The following AP1M2 variants were observed in gnomAD, a reference collection of about 807,000 sequenced individuals.
The protein encoded by AP1M2 is adaptor related protein complex 1 subunit mu 2.
A neutral mutation model predicts 54.6 loss-of-function variants in AP1M2; 41 were observed. That is an observed-to-expected ratio of 0.75 (90% CI 0.59 to 0.97). The LOEUF is 0.97. Ranked by LOEUF, AP1M2 falls within the 50% of genes least tolerant of loss-of-function variation. AP1M2 has a pLI of 0.00. For missense variants in AP1M2, 507 were observed against 561.2 expected, an observed-to-expected ratio of 0.90 and a Z score of 0.98; for synonymous variants, 219 against 215.9, an observed-to-expected ratio of 1.01 and a Z score of -0.13.
At chr19:10,582,895 G>A (rs960710166) in intron 3 of AP1M2, among the ~76,000 whole-genome samples, 1 of 145,842 alleles carries the variant, frequency 6.9e-6, no homozygotes. Flanking sequence ...GCGAGATCTT[G>A]GCTCACCACA....
intron 6 of AP1M2, among the ~76,000 whole-genome samples, chr19:10,580,801 A>C (rs928624291): frequency 6.6e-6 from 1 of 151,894 alleles, no homozygotes; most frequent in Non-Finnish European, 1.5e-5. Flanking sequence ...CCGTCTCTAT[A>C]AAAAATTTAA....
Position 10,573,038 on chromosome 19 carries a change from G to A in AP1M2, c.*28C>T. 1 of 1,558,216 alleles carries A rather than the reference G, an allele frequency of 6.4e-7. No individual in the cohort carries two copies. The highest frequency in any genetic ancestry group is 1.2e-5 in the South Asian group (1 of 84,382). On this transcript the variant is annotated 3_prime_UTR_variant, in exon 12 of 12. Transcript: ENST00000250244. Reference sequence around the variant, plus strand: ...GCATCCGGGGCTGTAAGGAAGCCCCGTGTTCAAGCCCCCATCTCTTCTCCC... The same window carrying A: ...GCATCCGGGGCTGTAAGGAAGCCCCATGTTCAAGCCCCCATCTCTTCTCCC...
At chr19:10,574,814 C>A in intron 10 of AP1M2, 90 bp downstream of exon 10, 1 of 1,458,868 alleles carries the variant, frequency 6.9e-7, no homozygotes. Flanking sequence ...TGACACAGGC[C>A]AGGGGACTGA....
At chr19:10,579,566 C>T in intron 7 of AP1M2, 150 bp downstream of exon 7, 3 of 820,382 alleles carry the variant, frequency 3.7e-6, no homozygotes, top group Non-Finnish European at 3.6e-6. Flanking sequence ...GTTGGCCAGG[C>T]TGGTCTCGAA....
Position 10,572,928 on chromosome 19 carries a change from G to A in AP1M2, c.*138C>T. ...ATAAGGAAGAGGTGAGGAAGGGGCG[G>A]GTGCTGGGAGCAAGAAACTGCCAAG... On this transcript the variant is annotated 3_prime_UTR_variant, in exon 12 of 12. Coordinates refer to ENST00000250244, the MANE Select transcript of AP1M2 (RefSeq NM_005498.5). The A allele has an allele frequency of 1.3e-6, 1 of 791,232 alleles. No homozygotes were observed. The highest frequency in any genetic ancestry group is 1.6e-5 in the South Asian group (1 of 62,818). 49.0% of individuals were successfully genotyped at this position (791,232 alleles called of 1,614,324 possible).
intron 10 of AP1M2, among the ~76,000 whole-genome samples, chr19:10,574,699 C>T (rs542253010): frequency 1.3e-5 from 2 of 152,164 alleles, no homozygotes; most frequent in South Asian, 4.1e-4. Context: ...GTGAACAAGC[C>T]GGTGGGGAAC....
chr19:10,586,812 C>T (rs1804607821), intron 1 of AP1M2, among the ~76,000 whole-genome samples: 1 of 152,104 alleles, frequency 6.6e-6, no homozygotes, highest in Admixed American at 6.6e-5. Flanking sequence ...GTTAGAGGCC[C>T]CTGTTCCAGT....
chr19:10,575,084 C>G (rs1221228375), intron 9 of AP1M2, 55 bp from the exon 10 acceptor site: 2 of 1,414,928 alleles, frequency 1.4e-6, no homozygotes, highest in African/African-American at 3.0e-5. Flanking sequence ...CTCCCGAGAC[C>G]TTCCTTTCAG....
At chr19:10,584,434 G>A (rs1036527874) in intron 1 of AP1M2, among the ~76,000 whole-genome samples, 3 of 152,120 alleles carry the variant, frequency 2.0e-5, no homozygotes, top group African/African-American at 7.2e-5. Context: ...CAAAAAATTA[G>A]CCGGGCGTGA....
Position 10,579,867 on chromosome 19 carries a change from C to CAA in AP1M2, c.674-10_674-9insTT, listed in dbSNP as rs776345968. The stretch of plus-strand genomic sequence containing the variant: ...TGATTTGTTCTTGCTGCCTGAAACT[C>CAA]AGAGTGGAGAGTGGAGAGTGACCCT... On this transcript the variant is annotated splice_polypyrimidine_tract_variant and intron_variant, in intron 6 of 11. Transcript: ENST00000250244. 3.1e-6 allele frequency: 5 copies of CAA among 1,605,284 alleles called. No individual in the cohort carries two copies. The South Asian group carries it at 5.6e-5, about 18-fold the overall frequency.
intron 1 of AP1M2, among the ~76,000 whole-genome samples, chr19:10,585,337 AAG>A (rs1252432417): frequency 6.7e-6 from 1 of 150,170 alleles, no homozygotes; most frequent in Non-Finnish European, 1.5e-5. Context: ...GAAAGAAAGA[AAG>A]AAAGAAAGAA....
At position 10,584,583 on chromosome 19, in the gene AP1M2, GAAGA is replaced by G. The variant is rs561365402; in HGVS notation, c.43-517_43-514del. On this transcript the variant is annotated intron_variant, in intron 1 of 11. Coordinates refer to ENST00000250244, the MANE Select transcript of AP1M2 (RefSeq NM_005498.5). The stretch of plus-strand genomic sequence containing the variant: ...GACAGAGCAAGACTCCATCTCAAAA[GAAGA>G]AAGAGAGAAAGAAAGAAAGAAAGAA... Among the ~76,000 whole-genome samples the G allele has an allele frequency of 3.9e-4, 58 of 150,024 alleles. 2 individuals carry two copies. The South Asian group carries it at 0.011, about 28-fold the overall frequency.
chr19:10,584,149 TG>T, intron 1 of AP1M2, 79 bp from the exon 2 acceptor site: 1 of 1,505,156 alleles, frequency 6.6e-7, no homozygotes, highest in South Asian at 1.3e-5. Flanking sequence ...TGCCCGGTTC[TG>T]ACCCTACTTC....
chr19:10,575,082 AC>A, intron 9 of AP1M2, 53 bp from the exon 10 acceptor site: 1 of 1,415,426 alleles, frequency 7.1e-7, no homozygotes, highest in Non-Finnish European at 9.3e-7. Flanking sequence ...CCCTCCCGAG[AC>A]CTTCCTTTCA....
chr19:10,586,509 A>T (rs1917660262), intron 1 of AP1M2, among the ~76,000 whole-genome samples: 1 of 150,964 alleles, frequency 6.6e-6, no homozygotes, highest in Non-Finnish European at 1.5e-5. Flanking sequence ...GTCAGCCCGC[A>T]GCCCCAGATA....
At chr19:10,573,410 T>C (rs886945072) in intron 11 of AP1M2, among the ~76,000 whole-genome samples, 46 of 151,406 alleles carry the variant, frequency 3.0e-4, no homozygotes, top group African/African-American at 1.1e-3. Context: ...CAGAGTGAGA[T>C]TCCATCTCAA....
At chr19:10,577,742 T>TC (rs1229133057) in intron 8 of AP1M2, among the ~76,000 whole-genome samples, 1 of 146,070 alleles carries the variant, frequency 6.8e-6, no homozygotes, top group Admixed American at 6.8e-5. Context: ...GCCTTTTTTT[T>TC]TTTTTTTTTT....
intron 7 of AP1M2, 147 bp downstream of exon 7, chr19:10,579,569 G>A (rs1357326988): frequency 1.2e-6 from 1 of 866,266 alleles, no homozygotes; most frequent in African/African-American, 1.7e-5. Context: ...GGCCAGGCTG[G>A]TCTCGAACTC....
At chr19:10,575,094 G>T in intron 9 of AP1M2, 65 bp from the exon 10 acceptor site, 4 of 1,405,290 alleles carry the variant, frequency 2.8e-6, no homozygotes, top group Non-Finnish European at 3.7e-6. Context: ...CTTCCTTTCA[G>T]CAACCCCTGG....
Sources: gnomAD v4.1 joint callset for allele counts (sites outside exome capture counted in the v4.1 genomes callset) on GRCh38, gnomAD v4.1.1 for gene constraint, MANE v1.5 for transcripts, NCBI Gene and HGNC (gene_info 2026-07-23, HGNC 2026-07-21) for gene names.